The following GALNT17 variants were observed in gnomAD, a reference collection of about 807,000 sequenced individuals.
The protein encoded by GALNT17 is UDP-GalNAc:polypeptide N-acetylgalactosaminyltransferase-like 3.
Under a neutral mutation model 63.7 loss-of-function variants are expected in GALNT17, and 29 were observed. That is an observed-to-expected ratio of 0.46 (90% CI 0.34 to 0.62). The LOEUF (loss-of-function observed/expected upper bound fraction) is 0.62, where lower values mean the gene tolerates loss of function less well. GALNT17 is among the 20% of genes least tolerant of loss of function. The pLI is 0.01. For missense variants in GALNT17, 603 were observed against 799.6 expected, an observed-to-expected ratio of 0.75 and a Z score of 2.97; for synonymous variants, 305 against 318.3, an observed-to-expected ratio of 0.96 and a Z score of 0.45.
chr7:71,653,051 C>G (rs931810358), intron 6 of GALNT17, among the ~76,000 whole-genome samples: 10 of 151,976 alleles, frequency 6.6e-5, no homozygotes, highest in African/African-American at 2.4e-4. Flanking sequence ...GAGTCTTGCT[C>G]TGTTGCCAGG....
At chr7:71,182,529 T>C (rs989929261) in intron 1 of GALNT17, among the ~76,000 whole-genome samples, 4 of 152,176 alleles carry the variant, frequency 2.6e-5, no homozygotes, top group African/African-American at 9.7e-5. Context: ...TAGAGAGGTG[T>C]CCTTGGGATC....
chr7:71,642,393 A>G (rs1281758887), intron 6 of GALNT17, among the ~76,000 whole-genome samples: 1 of 152,232 alleles, frequency 6.6e-6, no homozygotes, highest in African/African-American at 2.4e-5. Flanking sequence ...GGCAAGGACA[A>G]TAGTTTTCTG....
intron 5 of GALNT17, among the ~76,000 whole-genome samples, chr7:71,544,460 T>A (rs1231167118): frequency 6.6e-6 from 1 of 152,080 alleles, no homozygotes. Flanking sequence ...ATTTCACGCC[T>A]ACCCTAAAGG....
intron 5 of GALNT17, among the ~76,000 whole-genome samples, chr7:71,467,953 G>C (rs1361940395): frequency 1.3e-5 from 2 of 151,914 alleles, no homozygotes; most frequent in Non-Finnish European, 2.9e-5. Flanking sequence ...ACACCAGCCA[G>C]GCCTTGCACC....
At chr7:71,410,730 T>G (rs1793414764) in intron 3 of GALNT17, among the ~76,000 whole-genome samples, 1 of 152,214 alleles carries the variant, frequency 6.6e-6, no homozygotes, top group Non-Finnish European at 1.5e-5. Context: ...TTTGTAGCTT[T>G]CTTTTTGCCA....
chr7:71,545,963 T>A (rs7789943), intron 5 of GALNT17, among the ~76,000 whole-genome samples: 9 of 152,002 alleles, frequency 5.9e-5, no homozygotes, highest in African/African-American at 1.7e-4. Flanking sequence ...ATGTACCTAA[T>A]GTAAATTGAA....
At chr7:71,503,231 C>T (rs1788209150) in intron 5 of GALNT17, among the ~76,000 whole-genome samples, 1 of 152,146 alleles carries the variant, frequency 6.6e-6, no homozygotes, top group East Asian at 1.9e-4. Flanking sequence ...CACTTCTATG[C>T]ATGAGTCATA....
At chr7:71,506,184 A>C (rs1408581309) in intron 5 of GALNT17, among the ~76,000 whole-genome samples, 3 of 152,246 alleles carry the variant, frequency 2.0e-5, no homozygotes, top group Non-Finnish European at 4.4e-5. Context: ...TCCATAAAAA[A>C]TAAAATTGGA....
chr7:71,614,974 C>T lies in GALNT17; in HGVS notation c.1080+43572C>T, dbSNP rs543644059. On this transcript the variant is annotated intron_variant, in intron 6 of 10. Transcript: ENST00000333538. ...AGCACTTCGAATAAGGGATACTCAG[C>T]CCATGATGTCCAGCCTCACATTTCT... 1.8e-3 allele frequency among the ~76,000 whole-genome samples: 281 copies of T among 152,176 alleles called. 2 individuals carry two copies. Among genetic ancestry groups the T allele is most frequent in the African/African-American group, 5.4e-3 (225 of 41,520 alleles).
In GALNT17 at chr7:71,705,034, A is replaced by G. The variant is rs538602013; in HGVS notation, c.1501-5727A>G. ...ACTTTGTATTTTACCAAAAAGAAAAACTTTGATGCTTCAAAGGACATTATC... is the reference window on the plus strand; with the variant it reads ...ACTTTGTATTTTACCAAAAAGAAAAGCTTTGATGCTTCAAAGGACATTATC... On this transcript the variant is annotated intron_variant, in intron 9 of 10. Coordinates refer to ENST00000333538, the MANE Select transcript of GALNT17 (RefSeq NM_022479.3). Among the ~76,000 whole-genome samples the G allele has an allele frequency of 3.3e-5, 5 of 152,308 alleles. No homozygotes were observed. In the East Asian group the frequency reaches 9.6e-4, roughly 29 times the overall value.
At chr7:71,364,617 A>G (rs1159934285) in intron 2 of GALNT17, among the ~76,000 whole-genome samples, 1 of 152,180 alleles carries the variant, frequency 6.6e-6, no homozygotes, top group Non-Finnish European at 1.5e-5. Flanking sequence ...GACTCATTAA[A>G]GCAATTTTTA....
intron 1 of GALNT17, among the ~76,000 whole-genome samples, chr7:71,330,291 G>T (rs1270576472): frequency 2.0e-5 from 3 of 152,196 alleles, no homozygotes; most frequent in African/African-American, 7.2e-5. Context: ...GGGATTACAG[G>T]CATGAGCCAC....
chr7:71,660,991 A>G (rs1468271354), intron 6 of GALNT17, among the ~76,000 whole-genome samples: 1 of 152,204 alleles, frequency 6.6e-6, no homozygotes, highest in East Asian at 1.9e-4. Flanking sequence ...GTGCAGCAGC[A>G]GGCTTTGACC....
At chr7:71,172,037 A>G (rs1246416998) in intron 1 of GALNT17, among the ~76,000 whole-genome samples, 1 of 152,128 alleles carries the variant, frequency 6.6e-6, no homozygotes, top group African/African-American at 2.4e-5. Flanking sequence ...GTAATGTGAG[A>G]GGGATTTTAT....
intron 3 of GALNT17, among the ~76,000 whole-genome samples, chr7:71,413,116 C>T (rs1793459377): frequency 6.6e-6 from 1 of 152,168 alleles, no homozygotes; most frequent in Non-Finnish European, 1.5e-5. Context: ...CTTTGATGCT[C>T]ATGATACTGT....
At chr7:71,677,132 G>A (rs939191773) in intron 8 of GALNT17, 79 bp from the exon 9 acceptor site, 110 of 1,469,954 alleles carry the variant, frequency 7.5e-5, no homozygotes, top group Non-Finnish European at 9.6e-5. Context: ...TTGGAACCAA[G>A]CCATGGTAGA....
At chr7:71,523,943 C>T (rs138057070) in intron 5 of GALNT17, among the ~76,000 whole-genome samples, 2,178 of 150,844 alleles carry the variant, frequency 0.014, 37 homozygotes, top group African/African-American at 0.044. Context: ...CATGGTGAAA[C>T]CCCATCTCTA....
chr7:71,492,514 T>C (rs1386895906), intron 5 of GALNT17, among the ~76,000 whole-genome samples: 1 of 152,142 alleles, frequency 6.6e-6, no homozygotes, highest in African/African-American at 2.4e-5. Context: ...ACTCTCATGG[T>C]CTTGCAAGGA....
chr7:71,259,657 T>C (rs1268838817), intron 1 of GALNT17, among the ~76,000 whole-genome samples: 3 of 150,336 alleles, frequency 2.0e-5, no homozygotes, highest in African/African-American at 7.4e-5. Flanking sequence ...TTTTTTTTTT[T>C]TTGAGACGGA....
Sources: gnomAD v4.1 joint callset for allele counts (sites outside exome capture counted in the v4.1 genomes callset) on GRCh38, gnomAD v4.1.1 for gene constraint, MANE v1.5 for transcripts, NCBI Gene and HGNC (gene_info 2026-07-23, HGNC 2026-07-21) for gene names.